Variants in NCAPD3 observed in about 807,000 individuals in gnomAD.
NCAPD3 encodes the protein non-SMC condensin II complex subunit D3.
Under a neutral mutation model 182.9 loss-of-function variants are expected in NCAPD3, and 105 were observed. The observed-to-expected ratio is 0.57, with a 90% CI of 0.49 to 0.68. The LOEUF (loss-of-function observed/expected upper bound fraction) is 0.68, where lower values mean the gene tolerates loss of function less well. NCAPD3 is among the 30% of genes least tolerant of loss of function. The pLI is 0.00. For missense variants in NCAPD3, 1,944 were observed against 1,837.0 expected (o/e 1.06, Z -1.07); for synonymous variants, 815 against 679.9 (o/e 1.20, Z -3.09).
At chr11:134,207,692 C>T (rs528768572) in intron 7 of NCAPD3, among the ~76,000 whole-genome samples, 15 of 139,992 alleles carry the variant, frequency 1.1e-4, no homozygotes, top group African/African-American at 3.5e-4. Flanking sequence ...TGCAGTGAGC[C>T]GAGATCATGC....
intron 27 of NCAPD3, among the ~76,000 whole-genome samples, chr11:134,163,531 C>G (rs1943653960): frequency 6.6e-6 from 1 of 151,914 alleles, no homozygotes; most frequent in Non-Finnish European, 1.5e-5. Flanking sequence ...AACCCCATCT[C>G]TACTAAAAAT....
intron 16 of NCAPD3, among the ~76,000 whole-genome samples, chr11:134,186,598 T>C (rs894805590): frequency 6.6e-6 from 1 of 152,226 alleles, no homozygotes; most frequent in Non-Finnish European, 1.5e-5. Context: ...CAATGCCATA[T>C]TATATATTTA....
intron 32 of NCAPD3, among the ~76,000 whole-genome samples, chr11:134,155,498 C>G (rs979667462): frequency 6.6e-6 from 1 of 152,178 alleles, no homozygotes; most frequent in Admixed American, 6.5e-5. Context: ...AAGTACTCTA[C>G]CAACTCAATG....
Position 134,223,595 on chromosome 11 carries a change from G to T in NCAPD3, c.64+268C>A, listed in dbSNP as rs571104721. ...GCACGAAGACACGCACAGGAAGAAG[G>T]GGAAGGCCGAGAAAACAGATGCACA... On this transcript the variant is annotated intron_variant, in intron 1 of 34. Coordinates refer to ENST00000534548, the MANE Select transcript of NCAPD3 (RefSeq NM_015261.3). 7.5e-6 allele frequency: 5 copies of T among 670,178 alleles called. No individual in the cohort carries two copies. In the Admixed American group the frequency reaches 1.0e-4, roughly 14 times the overall value. The allele number at this position is 670,178 out of a possible 1,614,324, so 41.5% of individuals were successfully genotyped here. A position where few individuals can be genotyped will look rare whatever the true frequency, so the allele number is the denominator to read the frequency against.
At chr11:134,169,415 T>C (rs902397305) in intron 24 of NCAPD3, among the ~76,000 whole-genome samples, 2 of 152,226 alleles carry the variant, frequency 1.3e-5, no homozygotes, top group African/African-American at 4.8e-5. Context: ...ACTGATGCAA[T>C]GACAACAGTC....
rs1391488262 is a variant in NCAPD3 at position 134,204,526 on chromosome 11, A to C, written c.1090-355T>G. ...GGATGTTTGATAATATTAAGGAATT[A>C]CCGTGAAAGGATATGATGGAATTTG... On this transcript the variant is annotated intron_variant, in intron 9 of 34. Transcript: ENST00000534548. The surrounding 1 kb of genome is among the most constrained non-coding windows in gnomAD (Gnocchi z 4.3). Among the ~76,000 whole-genome samples the C allele has an allele frequency of 6.6e-6, 1 of 152,204 alleles. No individual in the cohort carries two copies. The highest frequency in any genetic ancestry group is 1.5e-5 in the Non-Finnish European group (1 of 68,042).
chr11:134,206,387 G>T (rs1937616476), intron 8 of NCAPD3, among the ~76,000 whole-genome samples: 1 of 152,208 alleles, frequency 6.6e-6, no homozygotes, highest in Admixed American at 6.5e-5. Context: ...GTGTTCTGCA[G>T]ATTCCTATCT....
chr11:134,154,436 TCTTC>T (rs1943356871), intron 32 of NCAPD3, among the ~76,000 whole-genome samples: 1 of 150,218 alleles, frequency 6.7e-6, no homozygotes, highest in Non-Finnish European at 1.5e-5. Flanking sequence ...TCCTGCGTCC[TCTTC>T]CTCAGCAGGC....
intron 34 of NCAPD3, 39 bp downstream of exon 34, chr11:134,153,101 C>G (rs1442481692): frequency 1.9e-6 from 3 of 1,612,556 alleles, no homozygotes; most frequent in African/African-American, 1.3e-5. Flanking sequence ...AAAACCCTGA[C>G]AGAAACATCC....
At chr11:134,166,038 C>A (rs1943781157) in intron 27 of NCAPD3, among the ~76,000 whole-genome samples, 5 of 118,926 alleles carry the variant, frequency 4.2e-5, no homozygotes, top group Admixed American at 4.0e-4. Flanking sequence ...GAGGCGCACA[C>A]TCACTAGTGA....
intron 4 of NCAPD3, chr11:134,209,832 A>T: frequency 8.7e-6 from 2 of 230,342 alleles, no homozygotes; most frequent in Non-Finnish European, 1.7e-5. Context: ...AGGTGAGTGG[A>T]TCACCTGAGG....
chr11:134,160,032 C>T lies in NCAPD3; in HGVS notation c.3727G>A (p.Ala1243Thr), dbSNP rs1229350639. Residue 1243 changes from alanine (A) to threonine (T), a missense_variant, in exon 29 of 35, where the codon GCA (alanine) becomes ACA (threonine). Coordinates refer to ENST00000534548, the MANE Select transcript of NCAPD3 (RefSeq NM_015261.3). ...TCTGATGCCAGCTGTTTGTCAACTG[C>T]AAAGAAGTCCTTGAGCTCATCTCGG... ...DYRDELKDFF[A>T]VDKQLASELE... The T allele has an allele frequency of 6.2e-7, 1 of 1,614,052 alleles. No individual in the cohort carries two copies. Among genetic ancestry groups the T allele is most frequent in the African/African-American group, 1.3e-5 (1 of 74,928 alleles).
chr11:134,170,289 C>A (rs1304965450), intron 24 of NCAPD3, among the ~76,000 whole-genome samples: 1 of 152,154 alleles, frequency 6.6e-6, no homozygotes, highest in Non-Finnish European at 1.5e-5. Flanking sequence ...CACTTAAGGA[C>A]AACCAGAAGC....
intron 31 of NCAPD3, 136 bp downstream of exon 31, chr11:134,157,792 G>C (rs916384231): frequency 2.0e-6 from 2 of 997,812 alleles, no homozygotes; most frequent in Non-Finnish European, 2.9e-6. Flanking sequence ...TACTACCCAT[G>C]ATCCTAAAAG....
upstream of NCAPD3, chr11:134,225,164 CCTT>C (rs1938421616): frequency 1.9e-6 from 3 of 1,613,728 alleles, no homozygotes; most frequent in Non-Finnish European, 2.5e-6. Flanking sequence ...AGGTGGAAAT[CCTT>C]CTGAACGATG....
chr11:134,212,375 T>TGTGTGTGTG lies in NCAPD3; in HGVS notation c.383-1922_383-1921insCACACACAC, dbSNP rs1937866526. ...AAAGGAAAATATACTTTTTGTTGTTTTGTGTGTGTGTGTGTGTGTGTGTGT... is the reference window on the plus strand; with the variant it reads ...AAAGGAAAATATACTTTTTGTTGTTTGTGTGTGTGTGTGTGTGTGTGTGTGTGTGTGTGT... On this transcript the variant is annotated intron_variant, in intron 3 of 34. Transcript: ENST00000534548. Among the ~76,000 whole-genome samples the TGTGTGTGTG allele has an allele frequency of 3.4e-3, 488 of 143,264 alleles. 2 individuals are homozygous for TGTGTGTGTG. The highest frequency in any genetic ancestry group is 7.7e-3 in the African/African-American group (292 of 37,818). The allele number at this position is 143,264 out of a possible 152,430, so 94.0% of individuals were successfully genotyped here.
chr11:134,212,166 A>G (rs1022270035), intron 3 of NCAPD3, among the ~76,000 whole-genome samples: 1 of 152,238 alleles, frequency 6.6e-6, no homozygotes, highest in Admixed American at 6.5e-5. Context: ...TATGGCTTGC[A>G]GACCTGCACT....
chr11:134,197,096 C>T (rs182100235), intron 13 of NCAPD3, among the ~76,000 whole-genome samples: 156 of 152,172 alleles, frequency 1.0e-3, no homozygotes, highest in African/African-American at 3.7e-3. Flanking sequence ...CACCTTCCCC[C>T]TGACTCTTTC....
At chr11:134,166,811 C>A (rs376896183) in intron 27 of NCAPD3, among the ~76,000 whole-genome samples, 1 of 84,558 alleles carries the variant, frequency 1.2e-5, no homozygotes, top group African/African-American at 5.1e-5. Context: ...CTTAGGGGAG[C>A]TGCACACTCA....
Sources: gnomAD v4.1 joint callset for allele counts (sites outside exome capture counted in the v4.1 genomes callset) on GRCh38, gnomAD v4.1.1 for gene constraint, Gnocchi (gnomAD v3.1) non-coding constraint, MANE v1.5 for transcripts, NCBI Gene and HGNC (gene_info 2026-07-23, HGNC 2026-07-21) for gene names.